Variants in GALNT10 observed in about 807,000 individuals in gnomAD.
GALNT10 encodes polypeptide N-acetylgalactosaminyltransferase 10, also known as GalNAc transferase 10.
In GALNT10, 41 loss-of-function variants were observed where a neutral mutation model predicts 75.0. That is an observed-to-expected ratio of 0.55 (90% CI 0.43 to 0.71). GALNT10 has a LOEUF of 0.71. GALNT10 is among the 30% of genes least tolerant of loss of function. The pLI, the probability that GALNT10 is intolerant of heterozygous loss-of-function variation, is 0.00. For synonymous variants in GALNT10, 302 were observed against 313.0 expected (o/e 0.96, Z 0.37); for missense variants, 727 against 818.5 (o/e 0.89, Z 1.36).
intron 3 of GALNT10, among the ~76,000 whole-genome samples, chr5:154,303,872 C>T (rs1191016024): frequency 6.6e-6 from 1 of 152,152 alleles, no homozygotes; most frequent in Non-Finnish European, 1.5e-5. Context: ...AGTATAATCA[C>T]TCAATCAACC....
In GALNT10 at chr5:154,336,899, A is replaced by T. The variant is rs780708748; in HGVS notation, c.568+7161A>T. Among the ~76,000 whole-genome samples the T allele has an allele frequency of 5.3e-5, 8 of 152,346 alleles. No homozygotes were observed. In the East Asian group the frequency reaches 1.5e-3, roughly 29 times the overall value. On this transcript the variant is annotated intron_variant, in intron 4 of 11. Transcript: ENST00000297107. ...TAGTGTGAAAACCATACTGGCCTCA[A>T]TGATATCAGACCTCTTCTTTCTACT...
Position 154,409,596 on chromosome 5 carries a change from A to G in GALNT10, c.1220A>G (p.Gln407Arg). ...GATGAGTACGCAGAGTACATTTACC[A>G]GCGCCGGCCTGAATACCGCCACCTC... ...WMDEYAEYIY[Q>R]RRPEYRHLSA... The change falls in exon 9 of 12, where the codon CAG (glutamine) becomes CGG (arginine). Residue 407 changes from glutamine to arginine, a missense_variant. Physicochemically the swap from Gln to Arg is conservative, Grantham distance 43. Transcript: ENST00000297107. The surrounding 1 kb of genome is among the most constrained non-coding windows in gnomAD (Gnocchi z 4.5). 6.2e-7 allele frequency: 1 copy of G among 1,614,080 alleles called. No individual in the cohort carries two copies. The highest frequency in any genetic ancestry group is 8.5e-7 in the Non-Finnish European group (1 of 1,179,936).
rs1398081050 is a variant in GALNT10, at chr5:154,279,299, G to GTT, written c.160-15514_160-15513dup. Among the ~76,000 whole-genome samples the GTT allele has an allele frequency of 2.6e-3, 232 of 90,878 alleles. 2 individuals carry two copies. The highest frequency in any genetic ancestry group is 8.8e-3 in the African/African-American group (214 of 24,374). The allele number at this position is 90,878 out of a possible 152,430, so 59.6% of individuals were successfully genotyped here. ...TTTTGTTGTTGTTGTTGTTGTTGTTGTTTTGTTTTTTTTTTTTTTTTGAGA... is the reference window on the plus strand; with the variant it reads ...TTTTGTTGTTGTTGTTGTTGTTGTTGTTTTTTGTTTTTTTTTTTTTTTTGAGA... On this transcript the variant is annotated intron_variant, in intron 1 of 11. Coordinates refer to ENST00000297107, the MANE Select transcript of GALNT10 (RefSeq NM_198321.4).
At chr5:154,388,815 G>A (rs1022632668) in intron 7 of GALNT10, 8 of 148,174 alleles carry the variant, frequency 5.4e-5, no homozygotes, top group African/African-American at 7.5e-5. Context: ...AATGGTGGCC[G>A]AGATGGGAGG....
At chr5:154,200,716 G>A (rs1463721628) in intron 1 of GALNT10, among the ~76,000 whole-genome samples, 1 of 152,070 alleles carries the variant, frequency 6.6e-6, no homozygotes, top group Non-Finnish European at 1.5e-5. Context: ...AACTTTAATG[G>A]CTATTTCATT....
intron 1 of GALNT10, among the ~76,000 whole-genome samples, chr5:154,258,999 G>C (rs1356334020): frequency 3.9e-5 from 6 of 152,232 alleles, no homozygotes; most frequent in African/African-American, 1.4e-4. Context: ...TTCCCCTAAT[G>C]TTAACATCCT....
chr5:154,262,515 C>T (rs901439624), intron 1 of GALNT10, among the ~76,000 whole-genome samples: 10 of 152,206 alleles, frequency 6.6e-5, no homozygotes, highest in Non-Finnish European at 1.3e-4. Context: ...AGGCAGGCAT[C>T]ACCAAGGGCC....
chr5:154,350,061 G>A (rs191474582), intron 4 of GALNT10, among the ~76,000 whole-genome samples: 9 of 152,280 alleles, frequency 5.9e-5, no homozygotes, highest in African/African-American at 1.4e-4. Flanking sequence ...AAATTCTGTC[G>A]GACAGCCCTA....
At chr5:154,405,405 C>G (rs1042743679) in intron 8 of GALNT10, among the ~76,000 whole-genome samples, 1 of 152,172 alleles carries the variant, frequency 6.6e-6, no homozygotes, top group African/African-American at 2.4e-5. Context: ...CAGAGCCTAA[C>G]GACGCCCTCA....
At chr5:154,264,127 A>G (rs571162023) in intron 1 of GALNT10, among the ~76,000 whole-genome samples, 1 of 152,070 alleles carries the variant, frequency 6.6e-6, no homozygotes, top group Non-Finnish European at 1.5e-5. Context: ...AGCCTGGCCA[A>G]TGTGGCAAAA....
chr5:154,213,668 A>G (rs767468902), intron 1 of GALNT10, among the ~76,000 whole-genome samples: 43 of 152,094 alleles, frequency 2.8e-4, no homozygotes, highest in Non-Finnish European at 5.0e-4. Flanking sequence ...TGCACCCTCA[A>G]ACTCTTGGGC....
At chr5:154,218,063 C>T (rs1380672005) in intron 1 of GALNT10, 4 of 984,868 alleles carry the variant, frequency 4.1e-6, no homozygotes, top group East Asian at 1.1e-4. Flanking sequence ...CACTGCTGTT[C>T]GACTGAGACC....
At chr5:154,227,496 A>G (rs1029624141) in intron 1 of GALNT10, among the ~76,000 whole-genome samples, 2 of 152,088 alleles carry the variant, frequency 1.3e-5, no homozygotes, top group Non-Finnish European at 2.9e-5. Flanking sequence ...CATTTGAAAA[A>G]TTTGGTTGTT....
intron 4 of GALNT10, among the ~76,000 whole-genome samples, chr5:154,336,745 C>A: frequency 6.6e-6 from 1 of 152,098 alleles, no homozygotes; most frequent in East Asian, 1.9e-4. Flanking sequence ...CATCCCAGAC[C>A]ATTCTGTATA....
chr5:154,225,997 G>C (rs930091945), intron 1 of GALNT10, among the ~76,000 whole-genome samples: 9 of 152,036 alleles, frequency 5.9e-5, no homozygotes, highest in Admixed American at 1.3e-4. Flanking sequence ...GTAGGGGAAG[G>C]GGGGAGGGAT....
intron 4 of GALNT10, among the ~76,000 whole-genome samples, chr5:154,371,557 TGTGTGTACACACACACACACACACAC>T (rs1561674368): frequency 5.5e-5 from 3 of 54,614 alleles, no homozygotes; most frequent in Non-Finnish European, 1.1e-4. Context: ...TGTGTGTGTG[TGTGTGTACACACACACACACACACAC>T]GTGTGCACAC....
intron 3 of GALNT10, among the ~76,000 whole-genome samples, chr5:154,311,257 G>A (rs1754512515): frequency 1.3e-5 from 2 of 152,058 alleles, no homozygotes; most frequent in African/African-American, 2.4e-5. Flanking sequence ...CGATGTACCG[G>A]GCATTGTGCT....
At position 154,415,874 on chromosome 5, in the gene GALNT10, C is replaced by T. The variant is rs775206773; in HGVS notation, c.1595C>T (p.Pro532Leu). The T allele has an allele frequency of 1.9e-6, 3 of 1,614,050 alleles. No individual in the cohort carries two copies. The African/African-American group carries it at 4.0e-5, about 22-fold the overall frequency. Residue 532 changes from proline (P) to leucine (L), a missense_variant, in exon 11 of 12, where the codon CCT (proline) becomes CTT (leucine). Pro to Leu is a moderately conservative substitution (Grantham distance 98). Transcript: ENST00000297107. Reference protein sequence around the residue: ...FCFDAISHTSPVTLYDCHSMK... With the variant: ...FCFDAISHTSLVTLYDCHSMK... ...TTTGATGCCATTTCCCACACCAGCCCTGTCACGCTGTACGACTGCCACAGC... is the reference window on the plus strand; with the variant it reads ...TTTGATGCCATTTCCCACACCAGCCTTGTCACGCTGTACGACTGCCACAGC...
chr5:154,370,400 G>A (rs930252251), intron 4 of GALNT10, among the ~76,000 whole-genome samples: 2 of 152,174 alleles, frequency 1.3e-5, no homozygotes, highest in Non-Finnish European at 2.9e-5. Context: ...CCTTTGCAAG[G>A]GGCTGACCTA....
Sources: gnomAD v4.1 joint callset for allele counts (sites outside exome capture counted in the v4.1 genomes callset) on GRCh38, gnomAD v4.1.1 for gene constraint, Gnocchi (gnomAD v3.1) non-coding constraint, MANE v1.5 for transcripts, NCBI Gene and HGNC (gene_info 2026-07-23, HGNC 2026-07-21) for gene names.